The following LAS1L variants were observed in gnomAD, a reference collection of about 807,000 sequenced individuals.
LAS1L encodes the protein ribosomal biogenesis protein LAS1L.
Under a neutral mutation model 57.3 loss-of-function variants are expected in LAS1L, and 5 were observed. The observed-to-expected ratio is 0.09, with a 90% CI of 0.05 to 0.18. The LOEUF (loss-of-function observed/expected upper bound fraction) is 0.18, where lower values mean the gene tolerates loss of function less well. Ranked by LOEUF, LAS1L falls within the 10% of genes least tolerant of loss-of-function variation. LAS1L has a pLI of 1.00. For synonymous variants in LAS1L, 245 were observed against 231.7 expected (o/e 1.06, Z -0.52); for missense variants, 360 against 568.3 (o/e 0.63, Z 3.73).
At position 65,512,609 on chromosome X, in the gene LAS1L, A is replaced by G; in HGVS notation, c.*166T>C. The stretch of plus-strand genomic sequence containing the variant: ...CAGTTGCCTGTTTATTATTTTTCAA[A>G]ACAAAACAAAAACAAAAGACATTCA... On this transcript the variant is annotated 3_prime_UTR_variant, in exon 14 of 14. Transcript: ENST00000374811. 1 of 606,335 alleles carries G rather than the reference A, an allele frequency of 1.6e-6. No homozygotes were observed. The highest frequency in any genetic ancestry group is 4.0e-5 in the South Asian group (1 of 25,289). 50.0% of individuals were successfully genotyped at this position (606,335 alleles called of 1,213,427 possible).
intron 12 of LAS1L, among the ~76,000 whole-genome samples, chrX:65,516,321 A>G (rs1425030324): frequency 9.0e-6 from 1 of 111,262 alleles, no homozygotes; most frequent in Non-Finnish European, 1.9e-5. Context: ...AGGCTCTGTC[A>G]CTGACCCGAT....
intron 7 of LAS1L, among the ~76,000 whole-genome samples, chrX:65,526,061 T>G (rs1371651209): frequency 9.0e-6 from 1 of 111,390 alleles, no homozygotes; most frequent in Non-Finnish European, 1.9e-5. Flanking sequence ...AAAAAGAGCC[T>G]GACATCTCCC....
intron 1 of LAS1L, 103 bp downstream of exon 1, chrX:65,534,377 G>T: frequency 1.6e-6 from 1 of 619,417 alleles, no homozygotes; most frequent in Non-Finnish European, 2.5e-6. Flanking sequence ...AACTTTAGGC[G>T]ACTTAGGGGA....
chrX:65,519,994 A>G (rs1460694542), intron 11 of LAS1L, among the ~76,000 whole-genome samples: 3 of 112,295 alleles, frequency 2.7e-5, no homozygotes, highest in Non-Finnish European at 5.6e-5. Flanking sequence ...TTGTCCTCTC[A>G]TGGTGGTCCA....
rs767002429 is a variant in LAS1L, at chrX:65,528,067, C to T, written c.956+193G>A. On this transcript the variant is annotated intron_variant, in intron 7 of 13. Transcript: ENST00000374811. ...CCTCTGGCCATTCTAGTATAGGCAA[C>T]CCCCACCTGGAAGTTGGCAGGGTTG... is the stretch of plus-strand genomic sequence containing the variant. 2.7e-5 allele frequency among the ~76,000 whole-genome samples: 3 copies of T among 111,326 alleles called. No individual in the cohort carries two copies. In the East Asian group the frequency reaches 8.5e-4, roughly 32 times the overall value.
intron 7 of LAS1L, among the ~76,000 whole-genome samples, chrX:65,527,315 C>G (rs1188224743): frequency 3.0e-5 from 3 of 100,227 alleles, no homozygotes; most frequent in African/African-American, 1.1e-4. Flanking sequence ...GCAGGACAAT[C>G]TCTTGAATCC....
At chrX:65,530,861 T>C (rs1361518857) in intron 4 of LAS1L, among the ~76,000 whole-genome samples, 1 of 105,877 alleles carries the variant, frequency 9.4e-6, no homozygotes, top group African/African-American at 3.5e-5. Flanking sequence ...CATGTGCCTA[T>C]AGACCCAGCT....
At chrX:65,522,720 C>G (rs1231090476) in intron 11 of LAS1L, 2 of 111,918 alleles carry the variant, frequency 1.8e-5, no homozygotes, top group African/African-American at 6.5e-5. Flanking sequence ...AGGGTGAGAA[C>G]TAGAAGGACG....
Position 65,512,829 on chromosome X carries a change from A to G in LAS1L, c.2151T>C (p.Leu717=). 1 of 1,167,605 alleles carries G rather than the reference A, an allele frequency of 8.6e-7. No homozygotes were observed. The highest frequency in any genetic ancestry group is 1.1e-6 in the Non-Finnish European group (1 of 872,945). Residue 717 remains leucine, a synonymous_variant, in exon 14 of 14, where the codon CTT becomes CTC. Transcript: ENST00000374811. ...SNSSSSNFEG[L]LWSQGQLHGL... Reference sequence around the variant, plus strand: ...CATGCAGCTGCCCCTGGCTCCAGAGAAGGCCCTCGAAGTTGCTGCTGCTGC... The same window carrying G: ...CATGCAGCTGCCCCTGGCTCCAGAGGAGGCCCTCGAAGTTGCTGCTGCTGC...
chrX:65,513,002 C>CTCCTG (rs2068500873), intron 13 of LAS1L, 101 bp from the exon 14 acceptor site: 1 of 851,218 alleles, frequency 1.2e-6, no homozygotes, highest in African/African-American at 2.0e-5. Context: ...TGGGCCCACT[C>CTCCTG]TCCTGCCTGG....
chrX:65,531,231 C>T lies in LAS1L; in HGVS notation c.514+126G>A, dbSNP rs771370320. On this transcript the variant is annotated intron_variant, in intron 4 of 13. Coordinates refer to ENST00000374811, the MANE Select transcript of LAS1L (RefSeq NM_031206.7). ...ATGTTGTGCCCAAGGCGAGGCCTCA[C>T]TTCTTTCACCCTAGTCCCAGCCTTG... 1.0e-4 allele frequency: 40 copies of T among 397,361 alleles called. 1 individual carries two copies. Among genetic ancestry groups the T allele is most frequent in the Non-Finnish European group, 1.5e-4 (34 of 226,172 alleles). 32.7% of individuals were successfully genotyped at this position (397,361 alleles called of 1,213,427 possible). A position where few individuals can be genotyped will look rare whatever the true frequency, so the allele number is the denominator to read the frequency against.
intron 12 of LAS1L, among the ~76,000 whole-genome samples, chrX:65,515,599 T>A (rs1478741576): frequency 9.0e-6 from 1 of 110,839 alleles, no homozygotes; most frequent in African/African-American, 3.3e-5. Context: ...CTGCAGTTCT[T>A]GCCCCAAGAT....
Position 65,527,472 on chromosome X carries a change from G to A in LAS1L, c.956+788C>T, listed in dbSNP as rs752816188. On this transcript the variant is annotated intron_variant, in intron 7 of 13. Transcript: ENST00000374811. ...GGATTTCTTGAGTGTGCGAGGTTGA[G>A]GCTGTAGTTAACTATGTTCGCACCA... is the stretch of plus-strand genomic sequence containing the variant. Among the ~76,000 whole-genome samples the A allele has an allele frequency of 3.5e-4, 39 of 110,972 alleles. 1 individual carries two copies. In the South Asian group the frequency reaches 0.015, roughly 41 times the overall value.
chrX:65,517,988 T>C lies in LAS1L; in HGVS notation c.1926A>G (p.Ser642=), dbSNP rs1196888479. 2.5e-6 allele frequency: 3 copies of C among 1,187,421 alleles called. No homozygotes were observed. Among genetic ancestry groups the C allele is most frequent in the Non-Finnish European group, 3.4e-6 (3 of 886,365 alleles). The change falls in exon 12 of 14, where the codon TCA becomes TCG. Residue 642 remains serine, a splice_region_variant and synonymous_variant. Transcript: ENST00000374811. ...ATGTGGGGACAAAGTAGTTCTTACC[T>C]GAGCTAACCTGCCATGCAGAGCCCT... ...ALQGSAWQVS[S]EDVRWDTFPL...
intron 5 of LAS1L, 67 bp from the exon 6 acceptor site, chrX:65,529,325 G>A: frequency 1.1e-6 from 1 of 931,006 alleles, no homozygotes; most frequent in South Asian, 2.2e-5. Flanking sequence ...GGGATTCTGA[G>A]CCTCTCTCAC....
At chrX:65,518,581 G>A (rs1398822040) in intron 11 of LAS1L, 116 bp from the exon 12 acceptor site, 1 of 1,018,617 alleles carries the variant, frequency 9.8e-7, no homozygotes. Context: ...CTGAAAGGCA[G>A]TGTAGTAGAG....
chrX:65,519,309 G>A, intron 11 of LAS1L, among the ~76,000 whole-genome samples: 1 of 111,971 alleles, frequency 8.9e-6, no homozygotes, highest in Non-Finnish European at 1.9e-5. Context: ...TGTGTGTGAG[G>A]GTTCACCTGC....
At position 65,533,167 on chromosome X, in the gene LAS1L, T is replaced by A. The variant is rs145934658; in HGVS notation, c.362+443A>T. Reference sequence around the variant, plus strand: ...TCCACTTCCATAACTCAGCAATCTTTCAGTGTTCATGAGGGAGAGAAGGGG... The same window carrying A: ...TCCACTTCCATAACTCAGCAATCTTACAGTGTTCATGAGGGAGAGAAGGGG... On this transcript the variant is annotated intron_variant, in intron 2 of 13. Transcript: ENST00000374811. Among the ~76,000 whole-genome samples, 18 of 110,959 alleles carry A rather than the reference T, an allele frequency of 1.6e-4. No homozygotes were observed. The East Asian group carries it at 5.1e-3, about 32-fold the overall frequency.
At chrX:65,525,751 A>AAAAAAAAAAAAAAAG (rs1379232319) in intron 7 of LAS1L, among the ~76,000 whole-genome samples, 5 of 104,326 alleles carry the variant, frequency 4.8e-5, no homozygotes, top group African/African-American at 1.9e-4. Flanking sequence ...GATTTTTCAA[A>AAAAAAAAAAAAAAAG]AAAAAAAAAA....
Sources: gnomAD v4.1 joint callset for allele counts (sites outside exome capture counted in the v4.1 genomes callset) on GRCh38, gnomAD v4.1.1 for gene constraint, MANE v1.5 for transcripts, NCBI Gene and HGNC (gene_info 2026-07-23, HGNC 2026-07-21) for gene names.